The following MYOF variants were observed in gnomAD, a reference collection of about 807,000 sequenced individuals.
MYOF encodes myoferlin, also known as fer-1-like 3, myoferlin.
Under a neutral mutation model 284.2 loss-of-function variants are expected in MYOF, and 244 were observed. The observed-to-expected ratio is 0.86, with a 90% confidence interval of 0.77 to 0.95. The LOEUF is 0.95. MYOF is among the 40% of genes least tolerant of loss of function. The pLI is 0.00. For missense variants in MYOF, 2,496 were observed against 2,560.6 expected, an observed-to-expected ratio of 0.97 and a Z score of 0.54; for synonymous variants, 904 against 919.7, an observed-to-expected ratio of 0.98 and a Z score of 0.31.
chr10:93,337,780 T>C (rs1614065), intron 40 of MYOF, 35 bp downstream of exon 40: 1,182,829 of 1,569,472 alleles, frequency 0.75, 448,143 homozygotes, highest in East Asian at 0.96. Context: ...CAAAGGATGT[T>C]GATTCTCCAC....
rs1846136842 is a variant in MYOF, at chr10:93,381,912, C to G, written c.1699-516G>C. On this transcript the variant is annotated intron_variant, in intron 19 of 53. Coordinates refer to ENST00000359263, the MANE Select transcript of MYOF (RefSeq NM_013451.4). Reference sequence around the variant, plus strand: ...ATTAGCTGGGCGTGGTGGTGCACACCTGTAATCTCAGCTACTCGGGAGGCT... The same window carrying G: ...ATTAGCTGGGCGTGGTGGTGCACACGTGTAATCTCAGCTACTCGGGAGGCT... 2.6e-5 allele frequency among the ~76,000 whole-genome samples: 4 copies of G among 152,054 alleles called. 1 individual carries two copies. Among genetic ancestry groups the G allele is most frequent in the African/African-American group, 9.7e-5 (4 of 41,384 alleles).
chr10:93,445,090 AT>A lies in MYOF; in HGVS notation c.236+6959del, dbSNP rs774396198. Among the ~76,000 whole-genome samples, 263 of 152,016 alleles carry A rather than the reference AT, an allele frequency of 1.7e-3. 1 individual carries two copies. The highest frequency in any genetic ancestry group is 3.3e-3 in the Admixed American group (51 of 15,266). ...GCAATACACTGATATTGAGAATTAA[AT>A]TTTTTTTTGTCAAAATTAGGAAGAA... On this transcript the variant is annotated intron_variant, in intron 3 of 53. Coordinates refer to ENST00000359263, the MANE Select transcript of MYOF (RefSeq NM_013451.4).
chr10:93,337,693 T>C (rs934766904), intron 40 of MYOF, 122 bp downstream of exon 40: 3 of 730,858 alleles, frequency 4.1e-6, no homozygotes. Flanking sequence ...AAGACAGAGG[T>C]TTTCCTGGGC....
At chr10:93,380,664 C>T (rs746913233) in intron 20 of MYOF, among the ~76,000 whole-genome samples, 1 of 152,192 alleles carries the variant, frequency 6.6e-6, no homozygotes, top group South Asian at 2.1e-4. Flanking sequence ...AGAATGTAAG[C>T]TCCTTAAAAT....
intron 3 of MYOF, among the ~76,000 whole-genome samples, chr10:93,438,687 G>T (rs1438664534): frequency 6.6e-6 from 1 of 152,166 alleles, no homozygotes; most frequent in African/African-American, 2.4e-5. Context: ...GAGGGCTAGG[G>T]ATAGGGAAGG....
At chr10:93,443,747 G>GT in intron 3 of MYOF, among the ~76,000 whole-genome samples, 1 of 152,150 alleles carries the variant, frequency 6.6e-6, no homozygotes, top group Non-Finnish European at 1.5e-5. Flanking sequence ...GAAAACTACT[G>GT]TTGCATGTAT....
chr10:93,346,502 C>T (rs527956634), intron 37 of MYOF, among the ~76,000 whole-genome samples: 21 of 152,356 alleles, frequency 1.4e-4, no homozygotes, highest in African/African-American at 4.8e-4. Flanking sequence ...CTAACACAGT[C>T]CCTAGCACAT....
chr10:93,384,081 G>A (rs1231858148), intron 19 of MYOF, among the ~76,000 whole-genome samples: 1 of 152,200 alleles, frequency 6.6e-6, no homozygotes, highest in African/African-American at 2.4e-5. Context: ...GACTCACTAT[G>A]AGCAAGCCGC....
chr10:93,369,437 A>G (rs1845486424), intron 25 of MYOF, among the ~76,000 whole-genome samples: 2 of 152,166 alleles, frequency 1.3e-5, no homozygotes, highest in South Asian at 4.1e-4. Context: ...AAAAGTGTTA[A>G]TCACCATGGT....
intron 3 of MYOF, among the ~76,000 whole-genome samples, chr10:93,431,735 T>A (rs987853408): frequency 6.8e-6 from 1 of 146,726 alleles, no homozygotes; most frequent in African/African-American, 2.6e-5. Flanking sequence ...CCTATGAAAT[T>A]TCTTTCTTTT....
intron 1 of MYOF, among the ~76,000 whole-genome samples, chr10:93,457,320 C>T (rs1589600770): frequency 1.3e-5 from 2 of 152,292 alleles, no homozygotes; most frequent in Admixed American, 1.3e-4. Context: ...TATCTGAGCT[C>T]ACACCTGGCA....
chr10:93,380,480 G>A (rs1440370149), intron 20 of MYOF, among the ~76,000 whole-genome samples: 1 of 152,178 alleles, frequency 6.6e-6, no homozygotes, highest in African/African-American at 2.4e-5. Context: ...TGTTTCCTAG[G>A]ATGTCTTACA....
rs964110899 is a variant in MYOF at position 93,424,046 on chromosome 10, A to G, written c.433+2025T>C. Among the ~76,000 whole-genome samples, 10 of 152,104 alleles carry G rather than the reference A, an allele frequency of 6.6e-5. No homozygotes were observed. The South Asian group carries it at 1.0e-3, about 16-fold the overall frequency. ...GCGGGCAACCAACAGAAGCTGGGAGAAAGGCTGAGAGGCTCCAGAAGGAAC... is the reference window on the plus strand; with the variant it reads ...GCGGGCAACCAACAGAAGCTGGGAGGAAGGCTGAGAGGCTCCAGAAGGAAC... On this transcript the variant is annotated intron_variant, in intron 5 of 53. Transcript: ENST00000359263.
intron 18 of MYOF, among the ~76,000 whole-genome samples, chr10:93,388,542 C>A (rs1480048489): frequency 6.6e-6 from 1 of 152,216 alleles, no homozygotes; most frequent in Non-Finnish European, 1.5e-5. Context: ...CCCTTCCCCT[C>A]TGAGGGCTTT....
chr10:93,409,512 T>G (rs1446759391), intron 6 of MYOF, 61 bp downstream of exon 6: 6 of 1,568,328 alleles, frequency 3.8e-6, no homozygotes, highest in Non-Finnish European at 5.2e-6. Flanking sequence ...ATCACTGCAA[T>G]TGCCAGAAGA....
intron 1 of MYOF, among the ~76,000 whole-genome samples, chr10:93,462,170 A>C (rs893235451): frequency 6.6e-6 from 1 of 151,044 alleles, no homozygotes; most frequent in African/African-American, 2.4e-5. Context: ...TGCTCACTAC[A>C]ATCTCTCTCC....
At chr10:93,433,764 A>C (rs2134228223) in intron 3 of MYOF, among the ~76,000 whole-genome samples, 1 of 152,358 alleles carries the variant, frequency 6.6e-6, no homozygotes, top group Non-Finnish European at 1.5e-5. Context: ...GTTGTTTCTC[A>C]GAGGTGCTCC....
chr10:93,465,097 C>G (rs923796325), intron 1 of MYOF, among the ~76,000 whole-genome samples: 8 of 152,174 alleles, frequency 5.3e-5, no homozygotes, highest in African/African-American at 1.9e-4. Flanking sequence ...ACAACTCTAA[C>G]AGATAAATTC....
intron 3 of MYOF, among the ~76,000 whole-genome samples, chr10:93,441,688 C>T (rs955017582): frequency 1.4e-4 from 21 of 151,686 alleles, no homozygotes; most frequent in African/African-American, 5.1e-4. Context: ...CTCAGCCTCC[C>T]GAGTAGCTGG....
Sources: allele counts gnomAD v4.1 joint callset (sites outside exome capture counted in the v4.1 genomes callset), GRCh38; gene constraint gnomAD v4.1.1; transcripts MANE v1.5; gene names NCBI Gene and HGNC (gene_info 2026-07-23, HGNC 2026-07-21).